CCDC97: variants seen among roughly 807,000 people sequenced by gnomAD.
CCDC97 encodes coiled-coil domain containing 97.
Under a neutral mutation model 33.9 loss-of-function variants are expected in CCDC97, and 27 were observed. The ratio of observed to expected loss-of-function variants is 0.80; its 90% CI spans 0.59 to 1.10. CCDC97 has a LOEUF of 1.10. Among genes scored for constraint, CCDC97 ranks in the 50% least tolerant of loss-of-function variants. The pLI is 0.00. For synonymous variants in CCDC97, 217 were observed against 194.0 expected (o/e 1.12, Z -0.99); for missense variants, 422 against 476.6 (o/e 0.89, Z 1.07).
chr19:41,323,069 CT>C lies in CCDC97; in HGVS notation c.*355del. The C allele has an allele frequency of 5.6e-6, 1 of 178,308 alleles. No individual in the cohort carries two copies. Among genetic ancestry groups the C allele is most frequent in the South Asian group, 9.9e-5 (1 of 10,080 alleles). The allele number at this position is 178,308 out of a possible 1,614,324, so 11.0% of individuals were successfully genotyped here. On this transcript the variant is annotated 3_prime_UTR_variant, in exon 5 of 5. Transcript: ENST00000269967. ...TCTCCCCCTCTCTCTCTGCCTTAGG[CT>C]CTGTCTCCACCGCAGGGCCCAAGGT...
At chr19:41,319,281 A>G (rs16958999) in intron 2 of CCDC97, among the ~76,000 whole-genome samples, 32,580 of 152,196 alleles carry the variant, frequency 0.21, 3,831 homozygotes, top group East Asian at 0.35. Flanking sequence ...TCACATGCAC[A>G]TGACCTCAGG....
rs1568466989 is a variant in CCDC97, at chr19:41,310,210, C to T, written c.-101C>T. 3.3e-6 allele frequency: 5 copies of T among 1,505,174 alleles called. 1 individual carries two copies. In the South Asian group the frequency reaches 3.6e-5, roughly 11 times the overall value. 93.2% of individuals were successfully genotyped at this position (1,505,174 alleles called of 1,614,324 possible). A position where few individuals can be genotyped will look rare whatever the true frequency, so the allele number is the denominator to read the frequency against. ...CGGTGCCTGGGCGCAGCGGTGCACC[C>T]GGACCCGGAACATTCTCAGGCGAAA... On this transcript the variant is annotated 5_prime_UTR_variant, in exon 1 of 5. Coordinates refer to ENST00000269967, the MANE Select transcript of CCDC97 (RefSeq NM_052848.3).
At chr19:41,312,344 C>T (rs2037695456) in intron 1 of CCDC97, among the ~76,000 whole-genome samples, 2 of 152,202 alleles carry the variant, frequency 1.3e-5, no homozygotes, top group Non-Finnish European at 2.9e-5. Context: ...CTCAGCCTCC[C>T]ATAGTGCTGG....
rs1165465171 is a variant in CCDC97, at chr19:41,316,700, C to T, written c.363C>T (p.Ala121=). 1.9e-6 allele frequency: 3 copies of T among 1,614,114 alleles called. No homozygotes were observed. Among genetic ancestry groups the T allele is most frequent in the African/African-American group, 1.3e-5 (1 of 75,068 alleles). The part of the protein sequence containing the change: ...FRTGLREEHL[A]CFGHVRGDHR... ...CAGGCCTCCGTGAGGAGCATCTGGC[C>T]TGCTTTGGCCACGTGCGTGGCGACC... Residue 121 remains alanine, a synonymous_variant, in exon 2 of 5, where the codon GCC becomes GCT. Transcript: ENST00000269967.
intron 4 of CCDC97, among the ~76,000 whole-genome samples, chr19:41,322,282 G>A (rs2037832174): frequency 6.6e-6 from 1 of 152,150 alleles, no homozygotes; most frequent in Non-Finnish European, 1.5e-5. Context: ...TTTTTGTAGA[G>A]ACAGGGTCTC....
chr19:41,319,993 G>C (rs539528151), intron 3 of CCDC97, 141 bp downstream of exon 3: 30 of 609,004 alleles, frequency 4.9e-5, no homozygotes, highest in Non-Finnish European at 7.8e-5. Flanking sequence ...CTGACTCTCT[G>C]TGTATGCCCT....
In CCDC97 at chr19:41,322,634, C is replaced by T. The variant is rs374346202; in HGVS notation, c.951C>T (p.Ile317=). 6.1e-5 allele frequency: 98 copies of T among 1,613,690 alleles called. No individual in the cohort carries two copies. Among genetic ancestry groups the T allele is most frequent in the African/African-American group, 5.3e-5 (4 of 74,858 alleles). The change falls in exon 5 of 5, where the codon ATC becomes ATT. Residue 317 remains isoleucine, a synonymous_variant. Coordinates refer to ENST00000269967, the MANE Select transcript of CCDC97 (RefSeq NM_052848.3). The part of the protein sequence containing the change: ...DDNPDFDNLD[I]VARDEEERYF... ...ACCCCGACTTCGACAACCTCGACATCGTGGCACGGGATGAGGAGGAGAGGT... is the reference window on the plus strand; with the variant it reads ...ACCCCGACTTCGACAACCTCGACATTGTGGCACGGGATGAGGAGGAGAGGT...
rs1252647493 is a variant in CCDC97, at chr19:41,310,274, G to A, written c.-37G>A. 2 of 1,577,248 alleles carry A rather than the reference G, an allele frequency of 1.3e-6. No individual in the cohort carries two copies. ...GCGTGGGCCGGAGGTTAGTGTGCGG[G>A]GCCCGCCGGGCGGTTGAAAAGTCCG... is the stretch of plus-strand genomic sequence containing the variant. On this transcript the variant is annotated 5_prime_UTR_variant, in exon 1 of 5. Coordinates refer to ENST00000269967, the MANE Select transcript of CCDC97 (RefSeq NM_052848.3).
chr19:41,310,500 C>T (rs531664486), intron 1 of CCDC97, 144 bp downstream of exon 1: 120 of 1,468,652 alleles, frequency 8.2e-5, no homozygotes, highest in Non-Finnish European at 1.1e-4. Flanking sequence ...ACTACTTTGC[C>T]CAGATTATTC....
rs931309565 is a variant in CCDC97, at chr19:41,310,755, C to T, written c.46+399C>T. ...CTTGCTCTCTAGACGAATCCTCCTA[C>T]CTTTCCAGGCTAAACTTCTACCTGC... On this transcript the variant is annotated intron_variant, in intron 1 of 4. Transcript: ENST00000269967. 10 of 1,031,740 alleles carry T rather than the reference C, an allele frequency of 9.7e-6. No homozygotes were observed. In the Admixed American group the frequency reaches 1.6e-4, roughly 17 times the overall value. The allele number at this position is 1,031,740 out of a possible 1,614,324, so 63.9% of individuals were successfully genotyped here. A position where few individuals can be genotyped will look rare whatever the true frequency, so the allele number is the denominator to read the frequency against.
chr19:41,322,105 G>GTT (rs971499238), intron 4 of CCDC97, among the ~76,000 whole-genome samples: 2 of 152,006 alleles, frequency 1.3e-5, no homozygotes, highest in African/African-American at 4.8e-5. Flanking sequence ...GAGCTTTGGG[G>GTT]TTTTTTTTAG....
At position 41,316,365 on chromosome 19, in the gene CCDC97, C is replaced by A. The variant is rs549033913; in HGVS notation, c.47-19C>A. 1.3e-6 allele frequency: 2 copies of A among 1,594,358 alleles called. No individual in the cohort carries two copies. The highest frequency in any genetic ancestry group is 1.3e-5 in the African/African-American group (1 of 74,636). ...CCCACACTCCCATCTCTGAACTAAC[C>A]AATCTCTCCTTTCCTCAGGCTGCAT... On this transcript the variant is annotated intron_variant, in intron 1 of 4. Coordinates refer to ENST00000269967, the MANE Select transcript of CCDC97 (RefSeq NM_052848.3).
Position 41,310,945 on chromosome 19 carries a change from G to T in CCDC97, c.46+589G>T, listed in dbSNP as rs13344102. The T allele has an allele frequency of 2.7e-3, 2,320 of 873,260 alleles. 54 individuals carry two copies. In the African/African-American group the frequency reaches 0.04, roughly 15 times the overall value. 54.1% of individuals were successfully genotyped at this position (873,260 alleles called of 1,614,324 possible). On this transcript the variant is annotated intron_variant, in intron 1 of 4. Transcript: ENST00000269967. Reference sequence around the variant, plus strand: ...GACGTCGGGTGAGGTGTGATTGGAAGCGTGGCTCCAACACCACTGGCCAAG... The same window carrying T: ...GACGTCGGGTGAGGTGTGATTGGAATCGTGGCTCCAACACCACTGGCCAAG...
chr19:41,316,813 A>T lies in CCDC97; in HGVS notation c.476A>T (p.Tyr159Phe), dbSNP rs748275409. The T allele has an allele frequency of 1.0e-5, 16 of 1,593,144 alleles. No homozygotes were observed. Among genetic ancestry groups the T allele is most frequent in the Non-Finnish European group, 1.3e-5 (15 of 1,163,692 alleles). ...CGTACCCGCCTGCGTAACCGGCGCT[A>T]TGCTGCCCTGCGAGAGCTGATCCAA... is the stretch of plus-strand genomic sequence containing the variant. ...TLRTRLRNRR[Y>F]AALRELIQGG... The change falls in exon 2 of 5, where the codon TAT becomes TTT. Residue 159 changes from tyrosine to phenylalanine, a missense_variant. Tyr to Phe is a conservative substitution (Grantham distance 22, BLOSUM62 3). Transcript: ENST00000269967.
rs2037847407 is a variant in CCDC97 at position 41,323,411 on chromosome 19, G to C, written c.*696G>C. ...CTCTGGGTTTTGATCCCCCACTCCA[G>C]GCTCTGGGCCCCTTCTTCCCCCTTC... On this transcript the variant is annotated 3_prime_UTR_variant, in exon 5 of 5. Transcript: ENST00000269967. The C allele has an allele frequency of 6.5e-6, 1 of 153,800 alleles. No individual in the cohort carries two copies. The highest frequency in any genetic ancestry group is 2.4e-5 in the African/African-American group (1 of 41,404). 9.5% of individuals were successfully genotyped at this position (153,800 alleles called of 1,614,324 possible).
intron 2 of CCDC97, among the ~76,000 whole-genome samples, chr19:41,317,882 C>G (rs1471944126): frequency 6.7e-6 from 1 of 149,730 alleles, no homozygotes; most frequent in Non-Finnish European, 1.5e-5. Flanking sequence ...AACCCCATCT[C>G]TACTAAAAAT....
rs528227119 is a variant in CCDC97 at position 41,319,886 on chromosome 19, A to G, written c.781+34A>G. On this transcript the variant is annotated intron_variant, in intron 3 of 4. Coordinates refer to ENST00000269967, the MANE Select transcript of CCDC97 (RefSeq NM_052848.3). Reference sequence around the variant, plus strand: ...CAGTAGCAGGAAGACCCCAGATTCCAGACACCCCAGCCCTAGGCCTGTCTG... The same window carrying G: ...CAGTAGCAGGAAGACCCCAGATTCCGGACACCCCAGCCCTAGGCCTGTCTG... 165 of 1,030,388 alleles carry G rather than the reference A, an allele frequency of 1.6e-4. 1 individual carries two copies. In the South Asian group the frequency reaches 2.2e-3, roughly 14 times the overall value. The allele number at this position is 1,030,388 out of a possible 1,614,324, so 63.8% of individuals were successfully genotyped here. A position where few individuals can be genotyped will look rare whatever the true frequency, so the allele number is the denominator to read the frequency against.
At position 41,312,233 on chromosome 19, in the gene CCDC97, G is replaced by A. The variant is rs577098467; in HGVS notation, c.46+1877G>A. Among the ~76,000 whole-genome samples, 3 of 152,232 alleles carry A rather than the reference G, an allele frequency of 2.0e-5. No individual in the cohort carries two copies. In the South Asian group the frequency reaches 6.2e-4, roughly 32 times the overall value. ...CAAGTAGCTGGGATCACAGGTGCCC[G>A]CCACTATGCCTGTCTAATTTTGTAT... is the stretch of plus-strand genomic sequence containing the variant. On this transcript the variant is annotated intron_variant, in intron 1 of 4. Coordinates refer to ENST00000269967, the MANE Select transcript of CCDC97 (RefSeq NM_052848.3).
chr19:41,318,110 G>A (rs531959732), intron 2 of CCDC97, among the ~76,000 whole-genome samples: 5 of 152,046 alleles, frequency 3.3e-5, no homozygotes, highest in East Asian at 3.9e-4. Flanking sequence ...ATCCAGAGCC[G>A]GGGTGGGTGA....
Sources: gnomAD v4.1 joint callset for allele counts (sites outside exome capture counted in the v4.1 genomes callset) on GRCh38, gnomAD v4.1.1 for gene constraint, MANE v1.5 for transcripts, NCBI Gene and HGNC (gene_info 2026-07-23, HGNC 2026-07-21) for gene names.